Variants in SPTBN4 observed in about 807,000 individuals in gnomAD.
The protein encoded by SPTBN4 is spectrin beta, non-erythrocytic 4, also known as spectrin beta chain, non-erythrocytic 4.
Under a neutral mutation model 277.8 loss-of-function variants are expected in SPTBN4, and 96 were observed. The observed-to-expected ratio is 0.35, with a 90% confidence interval of 0.29 to 0.41. The LOEUF (loss-of-function observed/expected upper bound fraction) is 0.41. Ranked by LOEUF, SPTBN4 falls within the 10% of genes least tolerant of loss-of-function variation. The pLI is 1.00. For missense variants in SPTBN4, 3,006 were observed against 3,595.7 expected, an observed-to-expected ratio of 0.84 and a Z score of 4.19; for synonymous variants, 1,481 against 1,580.3, an observed-to-expected ratio of 0.94 and a Z score of 1.49.
chr19:40,501,170 C>T (rs143449958), intron 7 of SPTBN4, among the ~76,000 whole-genome samples: 1,617 of 150,338 alleles, frequency 0.011, 18 homozygotes, highest in African/African-American at 0.031. Context: ...CCTAGGAGCT[C>T]GAGGCTGCAG....
chr19:40,514,791 C>T (rs142450700), intron 14 of SPTBN4, among the ~76,000 whole-genome samples: 80 of 152,276 alleles, frequency 5.3e-4, no homozygotes, highest in African/African-American at 1.6e-3. Context: ...GGAGTTGCTG[C>T]TGAGGAATCT....
intron 18 of SPTBN4, among the ~76,000 whole-genome samples, chr19:40,532,406 T>C (rs1380368638): frequency 6.6e-6 from 1 of 151,938 alleles, no homozygotes; most frequent in Non-Finnish European, 1.5e-5. Context: ...GATTGGGCAT[T>C]CTGGGGACCC....
chr19:40,516,041 A>ATG (rs2080455630), intron 15 of SPTBN4, among the ~76,000 whole-genome samples: 1 of 144,532 alleles, frequency 6.9e-6, no homozygotes, highest in Admixed American at 6.9e-5. Flanking sequence ...ACACATATAT[A>ATG]TGTATATATA....
intron 21 of SPTBN4, 124 bp from the exon 22 acceptor site, chr19:40,550,114 G>T: frequency 2.9e-6 from 2 of 687,888 alleles, no homozygotes; most frequent in South Asian, 4.0e-5. Flanking sequence ...GGAGGAGGCT[G>T]AATATTCAAC....
At chr19:40,566,439 A>C in intron 30 of SPTBN4, 80 bp downstream of exon 30, 3 of 1,278,956 alleles carry the variant, frequency 2.3e-6, no homozygotes, top group Non-Finnish European at 3.1e-6. Flanking sequence ...AGACAGACAC[A>C]CCGAGACATG....
intron 26 of SPTBN4, among the ~76,000 whole-genome samples, chr19:40,559,467 G>A (rs1284741554): frequency 6.6e-6 from 1 of 152,148 alleles, no homozygotes; most frequent in East Asian, 1.9e-4. Flanking sequence ...GGGCAACATA[G>A]TAAGACTCCA....
intron 20 of SPTBN4, among the ~76,000 whole-genome samples, chr19:40,539,355 G>A (rs1234958937): frequency 1.3e-5 from 2 of 152,254 alleles, no homozygotes; most frequent in Non-Finnish European, 2.9e-5. Flanking sequence ...AGGAGTGTGG[G>A]AAGCAGCAGA....
Position 40,565,557 on chromosome 19 carries a change from A to G in SPTBN4, c.6050A>G (p.Asp2017Gly), listed in dbSNP as rs2081083047. 2 of 1,613,560 alleles carry G rather than the reference A, an allele frequency of 1.2e-6. No homozygotes were observed. The highest frequency in any genetic ancestry group is 3.3e-5 in the Admixed American group (2 of 59,950). Reference protein sequence around the residue: ...SLLLNKSAMADEIQAQLDKLG... With the variant: ...SLLLNKSAMAGEIQAQLDKLG... ...CTGCTCAACAAAAGTGCCATGGCTG[A>G]TGAGGTGGGGAGCAGGGAGGGGGTC... The change falls in exon 28 of 36, where the codon GAT becomes GGT. Residue 2017 changes from aspartate to glycine, a missense_variant. Coordinates refer to ENST00000598249, the MANE Select transcript of SPTBN4 (RefSeq NM_020971.3).
intron 27 of SPTBN4, among the ~76,000 whole-genome samples, chr19:40,561,769 C>A (rs1342551252): frequency 3.3e-5 from 5 of 150,814 alleles, no homozygotes; most frequent in Non-Finnish European, 5.9e-5. Flanking sequence ...TCACAGTGAG[C>A]CAAGATCGTG....
intron 20 of SPTBN4, among the ~76,000 whole-genome samples, chr19:40,543,204 C>A (rs1254218789): frequency 6.6e-6 from 1 of 152,098 alleles, no homozygotes; most frequent in African/African-American, 2.4e-5. Flanking sequence ...TAATCCCACA[C>A]TTTAGGAGGC....
intron 12 of SPTBN4, 141 bp downstream of exon 12, chr19:40,504,273 AAAGAGAGAAC>A: frequency 1.1e-6 from 1 of 877,636 alleles, no homozygotes; most frequent in Non-Finnish European, 1.7e-6. Context: ...AGGGAGACAA[AAAGAGAGAAC>A]AAGAGAGAGA....
chr19:40,520,496 T>C (rs2080514745), intron 16 of SPTBN4, among the ~76,000 whole-genome samples: 1 of 152,180 alleles, frequency 6.6e-6, no homozygotes, highest in African/African-American at 2.4e-5. Flanking sequence ...AATAAGACTA[T>C]GAGGTTGATT....
rs555846412 is a variant in SPTBN4 at position 40,489,369 on chromosome 19, G to A, written c.322-706G>A. Among the ~76,000 whole-genome samples, 12 of 145,990 alleles carry A rather than the reference G, an allele frequency of 8.2e-5. 1 individual carries two copies. The East Asian group carries it at 1.6e-3, about 19-fold the overall frequency. The stretch of plus-strand genomic sequence containing the variant: ...GCTAGGGACCCGAAAGGGAAGCAGC[G>A]AGGGGTGTGACGCGGAGTTTTTGTT... On this transcript the variant is annotated intron_variant, in intron 3 of 35. Transcript: ENST00000598249.
Position 40,512,958 on chromosome 19 carries a change from G to A in SPTBN4, c.2169G>A (p.Glu723=), listed in dbSNP as rs767470240. The A allele has an allele frequency of 1.1e-5, 15 of 1,413,636 alleles. No individual in the cohort carries two copies. Among genetic ancestry groups the A allele is most frequent in the Non-Finnish European group, 1.3e-5 (14 of 1,093,982 alleles). 87.6% of individuals were successfully genotyped at this position (1,413,636 alleles called of 1,614,324 possible). A position where few individuals can be genotyped will look rare whatever the true frequency, so the allele number is the denominator to read the frequency against. The part of the protein sequence containing the change: ...ALLQQALRCG[E]ELVAAGGAVG... ...TGCAGCAGGCCCTGCGGTGTGGCGA[G>A]GAGCTGGTTGCGGCCGGCGGTGCCG... Residue 723 remains glutamate, a synonymous_variant, in exon 14 of 36, where the codon GAG becomes GAA. Transcript: ENST00000598249.
intron 5 of SPTBN4, among the ~76,000 whole-genome samples, chr19:40,494,579 A>G (rs1329135936): frequency 1.3e-5 from 2 of 151,662 alleles, no homozygotes; most frequent in East Asian, 3.9e-4. Flanking sequence ...CTATCAATCT[A>G]TATATATATC....
At position 40,497,533 on chromosome 19, in the gene SPTBN4, A is replaced by C. The variant is rs1268064252; in HGVS notation, c.713A>C (p.Asn238Thr). 6.2e-7 allele frequency: 1 copy of C among 1,614,108 alleles called. No individual in the cohort carries two copies. The highest frequency in any genetic ancestry group is 8.5e-7 in the Non-Finnish European group (1 of 1,180,012). ...DFSKLTKSNA[N>T]YNLQRAFRTA... Reference sequence around the variant, plus strand: ...AGCAAACTCACCAAGTCCAATGCCAACTACAACCTGCAGAGAGCCTTCCGC... The same window carrying C: ...AGCAAACTCACCAAGTCCAATGCCACCTACAACCTGCAGAGAGCCTTCCGC... The change falls in exon 7 of 36, where the codon AAC (asparagine) becomes ACC (threonine). Residue 238 changes from asparagine (N) to threonine (T), a missense_variant. Physicochemically the swap from Asn to Thr is moderately conservative, Grantham distance 65 (BLOSUM62 0). This residue lies in a region of SPTBN4 where 1,759 missense variants were observed against 2,061.5 expected (regional missense o/e 0.85). Coordinates refer to ENST00000598249, the MANE Select transcript of SPTBN4 (RefSeq NM_020971.3).
Position 40,560,877 on chromosome 19 carries a change from G to A in SPTBN4, c.5915+474G>A. ...GGGTCCTTCCATCATGCCACCCTGG[G>A]AGTCACATGCTGGACCCTCTGCATC... is the stretch of plus-strand genomic sequence containing the variant. On this transcript the variant is annotated intron_variant, in intron 27 of 35. Transcript: ENST00000598249. This position sits in a 1 kb window ranked among gnomAD's most constrained non-coding sequence, Gnocchi z 5.2. The A allele has an allele frequency of 2.8e-6, 1 of 353,638 alleles. No individual in the cohort carries two copies. Among genetic ancestry groups the A allele is most frequent in the Non-Finnish European group, 4.3e-6 (1 of 234,690 alleles). 21.9% of individuals were successfully genotyped at this position (353,638 alleles called of 1,614,324 possible). A position where few individuals can be genotyped will look rare whatever the true frequency, so the allele number is the denominator to read the frequency against.
At chr19:40,570,119 A>G (rs1216928863) in intron 32 of SPTBN4, among the ~76,000 whole-genome samples, 1 of 151,148 alleles carries the variant, frequency 6.6e-6, no homozygotes, top group Non-Finnish European at 1.5e-5. Context: ...AGCCTCATAC[A>G]CACACACACA....
In SPTBN4 at chr19:40,570,588, G is replaced by C; in HGVS notation, c.7179G>C (p.Gly2393=). The part of the protein sequence containing the change: ...RPRPREGGEG[G]GSRRSRSAPA... ...GGCCCAGAGAGGGTGGTGAGGGCGGGGGAAGCCGGCGCTCGCGCTCCGCCC... is the reference window on the plus strand; with the variant it reads ...GGCCCAGAGAGGGTGGTGAGGGCGGCGGAAGCCGGCGCTCGCGCTCCGCCC... The change falls in exon 33 of 36, where the codon GGG becomes GGC. Residue 2393 remains glycine (G), a synonymous_variant. Coordinates refer to ENST00000598249, the MANE Select transcript of SPTBN4 (RefSeq NM_020971.3). The C allele has an allele frequency of 1.5e-6, 2 of 1,377,298 alleles. No homozygotes were observed. The highest frequency in any genetic ancestry group is 1.9e-6 in the Non-Finnish European group (2 of 1,066,412). 85.3% of individuals were successfully genotyped at this position (1,377,298 alleles called of 1,614,324 possible). A position where few individuals can be genotyped will look rare whatever the true frequency, so the allele number is the denominator to read the frequency against.
Sources: gnomAD v4.1 joint callset for allele counts (sites outside exome capture counted in the v4.1 genomes callset) on GRCh38, gnomAD v4.1.1 for gene constraint, gnomAD v4.1.1 regional missense constraint, Gnocchi (gnomAD v3.1) non-coding constraint, MANE v1.5 for transcripts, NCBI Gene and HGNC (gene_info 2026-07-23, HGNC 2026-07-21) for gene names.